The following RABGAP1L variants were observed in gnomAD, a reference collection of about 807,000 sequenced individuals.
RABGAP1L encodes the protein rab GTPase-activating protein 1-like.
Under a neutral mutation model 137.7 loss-of-function variants are expected in RABGAP1L, and 63 were observed. That is an observed-to-expected ratio of 0.46 (90% CI 0.37 to 0.56). The LOEUF (loss-of-function observed/expected upper bound fraction) is 0.56. Ranked by LOEUF, RABGAP1L falls within the 20% of genes least tolerant of loss-of-function variation. The pLI is 0.00. For missense variants in RABGAP1L, 1,095 were observed against 1,244.0 expected, an observed-to-expected ratio of 0.88 and a Z score of 1.80; for synonymous variants, 431 against 433.7, an observed-to-expected ratio of 0.99 and a Z score of 0.08.
intron 19 of RABGAP1L, among the ~76,000 whole-genome samples, chr1:174,840,301 G>C (rs1693236649): frequency 6.6e-6 from 1 of 152,172 alleles, no homozygotes; most frequent in Non-Finnish European, 1.5e-5. Context: ...CAACATGGTA[G>C]AAACATGAAC....
chr1:174,454,841 C>T (rs12097931), intron 13 of RABGAP1L, among the ~76,000 whole-genome samples: 50,399 of 151,710 alleles, frequency 0.33, 10,293 homozygotes, highest in African/African-American at 0.57. Flanking sequence ...CATGAGCGAC[C>T]GCCCCGGCCC....
At position 174,927,085 on chromosome 1, in the gene RABGAP1L, AAG is replaced by A. The variant is rs904695020; in HGVS notation, c.2341-30371_2341-30370del. Reference sequence around the variant, plus strand: ...AAGACTCCGTCTCAAAAAAAAAAAAAAGTGGGGGGGCCATGACAATAAGCATC... The same window carrying A: ...AAGACTCCGTCTCAAAAAAAAAAAAATGGGGGGGCCATGACAATAAGCATC... On this transcript the variant is annotated intron_variant, in intron 19 of 25. Coordinates refer to ENST00000681986, the MANE Select transcript of RABGAP1L (RefSeq NM_001366446.1). 7.9e-5 allele frequency among the ~76,000 whole-genome samples: 12 copies of A among 151,996 alleles called. 1 individual carries two copies. Among genetic ancestry groups the A allele is most frequent in the African/African-American group, 2.9e-4 (12 of 41,468 alleles).
chr1:174,721,713 C>G (rs1239245317), intron 17 of RABGAP1L, among the ~76,000 whole-genome samples: 2 of 152,178 alleles, frequency 1.3e-5, no homozygotes, highest in Non-Finnish European at 2.9e-5. Context: ...GAAGGTAGAT[C>G]TGCAATTTCC....
chr1:174,644,784 A>G (rs749157772), intron 14 of RABGAP1L, among the ~76,000 whole-genome samples: 1 of 152,120 alleles, frequency 6.6e-6, no homozygotes, highest in Admixed American at 6.6e-5. Flanking sequence ...ATATTTTTAT[A>G]AGTGAAGCCT....
intron 1 of RABGAP1L, among the ~76,000 whole-genome samples, chr1:174,165,482 A>G (rs1664828715): frequency 1.3e-5 from 2 of 149,126 alleles, no homozygotes; most frequent in Non-Finnish European, 3.0e-5. Context: ...AGAAGAGGTG[A>G]CATTTGAACT....
At chr1:174,447,277 T>G (rs887938550) in intron 13 of RABGAP1L, among the ~76,000 whole-genome samples, 4 of 152,200 alleles carry the variant, frequency 2.6e-5, no homozygotes, top group Non-Finnish European at 4.4e-5. Flanking sequence ...CAGGTGTTAA[T>G]TCATTAATTC....
chr1:174,272,145 A>G (rs1674607046), intron 7 of RABGAP1L, among the ~76,000 whole-genome samples: 1 of 151,954 alleles, frequency 6.6e-6, no homozygotes, highest in African/African-American at 2.4e-5. Context: ...ATTTTCTTTC[A>G]ATTAACAACT....
intron 8 of RABGAP1L, chr1:174,275,314 G>A (rs1230345251): frequency 6.6e-6 from 1 of 152,026 alleles, no homozygotes; most frequent in Non-Finnish European, 1.5e-5. Flanking sequence ...ATAGAAAATA[G>A]ACAAGTGTTA....
At chr1:174,304,821 G>T (rs1678045770) in intron 10 of RABGAP1L, among the ~76,000 whole-genome samples, 165 bp from the exon 11 acceptor site, 1 of 152,190 alleles carries the variant, frequency 6.6e-6, no homozygotes, top group East Asian at 1.9e-4. Context: ...AATATCCTGT[G>T]AAGGACAGTG....
At chr1:174,346,710 A>T (rs745671666) in intron 11 of RABGAP1L, among the ~76,000 whole-genome samples, 1 of 145,014 alleles carries the variant, frequency 6.9e-6, no homozygotes, top group Non-Finnish European at 1.5e-5. Flanking sequence ...GATCTTTTGC[A>T]TTTTTTTCAT....
intron 13 of RABGAP1L, among the ~76,000 whole-genome samples, chr1:174,633,086 T>A (rs1185042421): frequency 6.6e-6 from 1 of 151,920 alleles, no homozygotes; most frequent in Non-Finnish European, 1.5e-5. Flanking sequence ...AAAGAGGAAG[T>A]CAAATTGTCC....
At chr1:174,271,177 T>C (rs1462711187) in intron 7 of RABGAP1L, among the ~76,000 whole-genome samples, 2 of 152,124 alleles carry the variant, frequency 1.3e-5, no homozygotes, top group Non-Finnish European at 2.9e-5. Context: ...CCTCAGAGCT[T>C]ACCAACTTTA....
At chr1:174,869,045 C>G (rs1651767107) in intron 19 of RABGAP1L, among the ~76,000 whole-genome samples, 1 of 152,044 alleles carries the variant, frequency 6.6e-6, no homozygotes, top group Non-Finnish European at 1.5e-5. Context: ...GAACCTCACT[C>G]CCTGCCCCAT....
At position 174,992,621 on chromosome 1, in the gene RABGAP1L, A is replaced by G. The variant is rs1322155346; in HGVS notation, c.*2620A>G. 1 of 151,962 alleles carries G rather than the reference A, an allele frequency of 6.6e-6. No individual in the cohort carries two copies. Among genetic ancestry groups the G allele is most frequent in the African/African-American group, 2.4e-5 (1 of 41,356 alleles). 9.4% of individuals were successfully genotyped at this position (151,962 alleles called of 1,614,324 possible). On this transcript the variant is annotated 3_prime_UTR_variant, in exon 26 of 26. Coordinates refer to ENST00000681986, the MANE Select transcript of RABGAP1L (RefSeq NM_001366446.1). ...TAAGCCTAAACTCTCCTTCACTGCAATGCCTTTGAGTCAGTAGCAATAGTA... is the reference window on the plus strand; with the variant it reads ...TAAGCCTAAACTCTCCTTCACTGCAGTGCCTTTGAGTCAGTAGCAATAGTA...
At chr1:174,588,451 C>T (rs1346050114) in intron 13 of RABGAP1L, among the ~76,000 whole-genome samples, 1 of 152,136 alleles carries the variant, frequency 6.6e-6, no homozygotes, top group African/African-American at 2.4e-5. Flanking sequence ...AGGCATGAGC[C>T]ACCACGCCTG....
chr1:174,838,024 C>CTAG (rs1359073565), intron 19 of RABGAP1L, among the ~76,000 whole-genome samples: 1 of 152,130 alleles, frequency 6.6e-6, no homozygotes, highest in African/African-American at 2.4e-5. Flanking sequence ...CCCTTGAAAA[C>CTAG]TAGTAGTAGT....
intron 11 of RABGAP1L, among the ~76,000 whole-genome samples, chr1:174,346,856 A>T (rs1349813919): frequency 6.6e-6 from 1 of 151,922 alleles, no homozygotes; most frequent in Non-Finnish European, 1.5e-5. Context: ...GTAGGTGCTT[A>T]TAGCTATAAA....
intron 11 of RABGAP1L, among the ~76,000 whole-genome samples, chr1:174,351,067 G>A (rs1277515803): frequency 2.3e-5 from 3 of 130,578 alleles, no homozygotes; most frequent in Non-Finnish European, 5.0e-5. Context: ...GAGGGAGACC[G>A]TGGGGGGAGG....
chr1:174,564,476 G>A (rs56347239), intron 13 of RABGAP1L, among the ~76,000 whole-genome samples: 88,295 of 152,004 alleles, frequency 0.58, 27,975 homozygotes, highest in African/African-American at 0.85. Context: ...CCATTTTACA[G>A]TTGTGTATAG....
Sources: allele counts gnomAD v4.1 joint callset (sites outside exome capture counted in the v4.1 genomes callset), GRCh38; gene constraint gnomAD v4.1.1; transcripts MANE v1.5; gene names NCBI Gene and HGNC (gene_info 2026-07-23, HGNC 2026-07-21).